The following PTPRD variants were observed in gnomAD, a reference collection of about 807,000 sequenced individuals.
PTPRD encodes the protein protein tyrosine phosphatase receptor type D.
Under a neutral mutation model 214.5 loss-of-function variants are expected in PTPRD, and 34 were observed. That is an observed-to-expected ratio of 0.16 (90% CI 0.12 to 0.21). The LOEUF is 0.21. PTPRD is among the 10% of genes least tolerant of loss of function. PTPRD has a pLI of 1.00. For synonymous variants in PTPRD, 1,128 were observed against 845.7 expected, an observed-to-expected ratio of 1.33 and a Z score of -5.79; for missense variants, 2,545 against 2,398.7, an observed-to-expected ratio of 1.06 and a Z score of -1.27.
At chr9:8,913,479 T>A (rs569811392) in intron 11 of PTPRD, among the ~76,000 whole-genome samples, 1 of 152,276 alleles carries the variant, frequency 6.6e-6, no homozygotes, top group African/African-American at 2.4e-5. Context: ...AAGCAAAGTA[T>A]ATTATTTACA....
chr9:9,108,257 G>C (rs952249991), intron 10 of PTPRD, among the ~76,000 whole-genome samples: 1 of 151,900 alleles, frequency 6.6e-6, no homozygotes, highest in Non-Finnish European at 1.5e-5. Flanking sequence ...CCTACCTTTT[G>C]TTTTCATTTT....
intron 3 of PTPRD, among the ~76,000 whole-genome samples, chr9:10,275,437 AAG>A (rs891801563): frequency 6.8e-5 from 10 of 147,936 alleles, no homozygotes; most frequent in Admixed American, 2.0e-4. Flanking sequence ...GAGAGAGAAA[AAG>A]AGAGAGAGAG....
At chr9:9,272,370 T>A (rs1474550951) in intron 9 of PTPRD, among the ~76,000 whole-genome samples, 1 of 151,254 alleles carries the variant, frequency 6.6e-6, no homozygotes, top group Non-Finnish European at 1.5e-5. Context: ...TCTTGTGAAA[T>A]CCAAAATATT....
intron 4 of PTPRD, among the ~76,000 whole-genome samples, chr9:9,947,474 TATATATTTTATATATATTA>T (rs2092832682): frequency 5.0e-5 from 2 of 39,902 alleles, no homozygotes; most frequent in African/African-American, 2.4e-4. Flanking sequence ...CTATATATTA[TATATATTTTATATATATTA>T]TATATATTTT....
At chr9:10,264,811 A>G (rs962275873) in intron 3 of PTPRD, among the ~76,000 whole-genome samples, 5 of 152,148 alleles carry the variant, frequency 3.3e-5, no homozygotes. Flanking sequence ...CCCAAGTCTC[A>G]TCTTGAATTA....
intron 9 of PTPRD, among the ~76,000 whole-genome samples, chr9:9,222,637 A>C (rs921823065): frequency 6.6e-6 from 1 of 152,046 alleles, no homozygotes; most frequent in Non-Finnish European, 1.5e-5. Flanking sequence ...AAACAGATGA[A>C]ATATGCAAAA....
intron 9 of PTPRD, among the ~76,000 whole-genome samples, chr9:9,393,835 A>C (rs1401101501): frequency 1.3e-5 from 2 of 152,174 alleles, no homozygotes; most frequent in African/African-American, 4.8e-5. Flanking sequence ...GTAAGTGCTT[A>C]ATAAGTGGTA....
At chr9:8,896,660 G>C (rs2098615285) in intron 11 of PTPRD, among the ~76,000 whole-genome samples, 1 of 152,182 alleles carries the variant, frequency 6.6e-6, no homozygotes, top group Admixed American at 6.5e-5. Flanking sequence ...TCATCCCATA[G>C]TCTGTGTGAC....
intron 14 of PTPRD, among the ~76,000 whole-genome samples, chr9:8,579,647 C>T (rs2092847646): frequency 6.6e-6 from 1 of 152,174 alleles, no homozygotes; most frequent in Non-Finnish European, 1.5e-5. Flanking sequence ...GAATAAGAGA[C>T]ATTTACATAA....
chr9:8,427,752 G>C (rs1276492606), intron 35 of PTPRD, among the ~76,000 whole-genome samples: 1 of 151,938 alleles, frequency 6.6e-6, no homozygotes, highest in East Asian at 1.9e-4. Flanking sequence ...GGAAATGGTA[G>C]GGTTTCATTG....
At chr9:9,495,478 AG>A (rs1237866105) in intron 8 of PTPRD, among the ~76,000 whole-genome samples, 15 of 152,034 alleles carry the variant, frequency 9.9e-5, no homozygotes, top group Non-Finnish European at 1.9e-4. Context: ...AAAACCCTAC[AG>A]CCCGCCCTGC....
At chr9:10,353,939 A>G (rs2097223963) in intron 2 of PTPRD, among the ~76,000 whole-genome samples, 2 of 152,082 alleles carry the variant, frequency 1.3e-5, no homozygotes, top group Admixed American at 1.3e-4. Context: ...AAATCAATTG[A>G]GTAAATTTTT....
intron 9 of PTPRD, among the ~76,000 whole-genome samples, chr9:9,312,196 A>T (rs1959188682): frequency 6.6e-6 from 1 of 152,122 alleles, no homozygotes. Context: ...TATCAGCTTT[A>T]CTCCACCCGT....
chr9:8,775,367 T>G (rs768439242), intron 11 of PTPRD, among the ~76,000 whole-genome samples: 1 of 152,194 alleles, frequency 6.6e-6, no homozygotes, highest in African/African-American at 2.4e-5. Context: ...GACACTGCTA[T>G]AGTCTTCTTG....
chr9:8,645,997 C>T (rs2096680087), intron 12 of PTPRD, among the ~76,000 whole-genome samples: 1 of 151,478 alleles, frequency 6.6e-6, no homozygotes, highest in Non-Finnish European at 1.5e-5. Flanking sequence ...CTTTTTTGTA[C>T]CCAAAAACAA....
intron 3 of PTPRD, among the ~76,000 whole-genome samples, chr9:10,164,642 T>G (rs1306794057): frequency 1.3e-5 from 2 of 151,602 alleles, no homozygotes; most frequent in Non-Finnish European, 3.0e-5. Flanking sequence ...GAATTAATTG[T>G]TAAGTGGGCA....
At chr9:9,408,650 A>T (rs2074354492) in intron 8 of PTPRD, among the ~76,000 whole-genome samples, 1 of 151,924 alleles carries the variant, frequency 6.6e-6, no homozygotes, top group Admixed American at 6.6e-5. Flanking sequence ...CATTATATTA[A>T]GGAAAGAATA....
chr9:9,798,043 C>T (rs932513847), intron 5 of PTPRD, among the ~76,000 whole-genome samples: 2 of 152,022 alleles, frequency 1.3e-5, no homozygotes, highest in Non-Finnish European at 2.9e-5. Flanking sequence ...ACGATTGGAA[C>T]CTCACAGAAT....
intron 8 of PTPRD, among the ~76,000 whole-genome samples, chr9:9,448,367 C>A (rs989517874): frequency 2.6e-5 from 4 of 151,906 alleles, no homozygotes; most frequent in Non-Finnish European, 5.9e-5. Flanking sequence ...GTGTCAGTTT[C>A]CCCCATGCTG....
Sources: allele counts gnomAD v4.1 joint callset (sites outside exome capture counted in the v4.1 genomes callset), GRCh38; gene constraint gnomAD v4.1.1; transcripts MANE v1.5; gene names NCBI Gene and HGNC (gene_info 2026-07-23, HGNC 2026-07-21).